Variants in HDAC9 observed in about 807,000 individuals in gnomAD.
The protein encoded by HDAC9 is histone deacetylase 9.
Under a neutral mutation model 139.4 loss-of-function variants are expected in HDAC9, and 41 were observed. That is an observed-to-expected ratio of 0.29 (90% CI 0.23 to 0.38). HDAC9 has a LOEUF of 0.38. Ranked by LOEUF, HDAC9 falls within the 10% of genes least tolerant of loss-of-function variation. The pLI is 1.00. For synonymous variants in HDAC9, 517 were observed against 476.2 expected, an observed-to-expected ratio of 1.09 and a Z score of -1.12; for missense variants, 1,147 against 1,297.0, an observed-to-expected ratio of 0.88 and a Z score of 1.78.
chr7:18,597,667 A>C (rs1240335406), intron 6 of HDAC9, among the ~76,000 whole-genome samples: 2 of 152,128 alleles, frequency 1.3e-5, no homozygotes, highest in Non-Finnish European at 2.9e-5. Context: ...TGTTTCATAA[A>C]ATATTGTGAT....
At chr7:18,248,704 A>G (rs1345658445) in intron 2 of HDAC9, among the ~76,000 whole-genome samples, 1 of 152,200 alleles carries the variant, frequency 6.6e-6, no homozygotes, top group Non-Finnish European at 1.5e-5. Flanking sequence ...TTGGTCTGTA[A>G]AAGTCTTCTC....
intron 17 of HDAC9, among the ~76,000 whole-genome samples, chr7:18,793,991 T>C (rs936369505): frequency 2.0e-5 from 3 of 152,222 alleles, no homozygotes; most frequent in African/African-American, 7.2e-5. Flanking sequence ...CTTTTCTTTT[T>C]ATGGTCTCTT....
chr7:18,850,432 C>G (rs866202521), intron 21 of HDAC9, among the ~76,000 whole-genome samples: 10 of 152,100 alleles, frequency 6.6e-5, no homozygotes, highest in African/African-American at 1.9e-4. Flanking sequence ...GAGGATTCTT[C>G]CCTGGAATAA....
intron 1 of HDAC9, among the ~76,000 whole-genome samples, chr7:18,377,302 C>T (rs1785067382): frequency 2.6e-5 from 4 of 152,074 alleles, no homozygotes; most frequent in Admixed American, 1.3e-4. Context: ...CTACCAAAGG[C>T]CCACCTCCTA....
chr7:18,336,053 A>G lies in HDAC9; in HGVS notation c.-42+45538A>G, dbSNP rs541249131. On this transcript the variant is annotated intron_variant, in intron 1 of 3. Transcript: ENST00000413509. The stretch of plus-strand genomic sequence containing the variant: ...TGCTTTTACATTTTCTCTTAAGAAA[A>G]TTAAGAATTTACCTTCTCTAGTCAG... 2.0e-5 allele frequency among the ~76,000 whole-genome samples: 3 copies of G among 151,772 alleles called. No homozygotes were observed. In the South Asian group the frequency reaches 6.2e-4, roughly 31 times the overall value.
At chr7:18,217,898 G>C (rs545091892) in intron 2 of HDAC9, among the ~76,000 whole-genome samples, 25 of 152,262 alleles carry the variant, frequency 1.6e-4, no homozygotes, top group Middle Eastern at 3.4e-3. Context: ...GGCCATTTTT[G>C]CTGTGTCTCT....
intron 22 of HDAC9, among the ~76,000 whole-genome samples, chr7:18,913,362 G>T (rs1280893168): frequency 1.3e-5 from 2 of 152,066 alleles, no homozygotes; most frequent in African/African-American, 4.8e-5. Context: ...AATAGAATGG[G>T]AGGATGTTTG....
At chr7:18,920,542 T>C (rs1425867078) in intron 22 of HDAC9, among the ~76,000 whole-genome samples, 1 of 151,924 alleles carries the variant, frequency 6.6e-6, no homozygotes, top group African/African-American at 2.4e-5. Flanking sequence ...TGAGTAGGAG[T>C]GGTGAGAGAG....
At chr7:18,088,260 A>C (rs1781923381) in intron 1 of HDAC9, among the ~76,000 whole-genome samples, 1 of 152,166 alleles carries the variant, frequency 6.6e-6, no homozygotes, top group South Asian at 2.1e-4. Context: ...AAAAAGTTTA[A>C]CTTCTACCAG....
intron 2 of HDAC9, among the ~76,000 whole-genome samples, chr7:18,165,954 TA>T (rs1399828185): frequency 6.6e-6 from 1 of 152,164 alleles, no homozygotes; most frequent in Non-Finnish European, 1.5e-5. Flanking sequence ...GGAGTGCCTT[TA>T]TTTTCCTCAA....
At chr7:18,447,786 C>T (rs1792431607) in intron 1 of HDAC9, among the ~76,000 whole-genome samples, 2 of 152,104 alleles carry the variant, frequency 1.3e-5, no homozygotes, top group Non-Finnish European at 2.9e-5. Flanking sequence ...TCCTTTGGCT[C>T]CTATAGTGTA....
chr7:18,401,555 A>G (rs1253407479), intron 1 of HDAC9, among the ~76,000 whole-genome samples: 1 of 152,228 alleles, frequency 6.6e-6, no homozygotes, highest in Non-Finnish European at 1.5e-5. Flanking sequence ...CATGGTATTC[A>G]TGATGGAGAA....
At chr7:18,699,128 G>T (rs769248164) in intron 12 of HDAC9, among the ~76,000 whole-genome samples, 1 of 152,096 alleles carries the variant, frequency 6.6e-6, no homozygotes, top group Non-Finnish European at 1.5e-5. Context: ...GTGTCAACTG[G>T]CTGGGGCAAC....
intron 1 of HDAC9, among the ~76,000 whole-genome samples, chr7:18,369,380 G>A (rs541733868): frequency 2.0e-5 from 3 of 152,106 alleles, no homozygotes; most frequent in South Asian, 4.1e-4. Context: ...GTAATAACAT[G>A]CTTACCATGT....
intron 1 of HDAC9, among the ~76,000 whole-genome samples, chr7:18,395,402 C>T (rs1018983404): frequency 6.6e-6 from 1 of 151,968 alleles, no homozygotes; most frequent in Non-Finnish European, 1.5e-5. Context: ...TCCCTTTGCA[C>T]TTCTTCTCTA....
rs1448186828 is a variant in HDAC9 at position 18,727,738 on chromosome 7, C to T, written c.1890C>T (p.Leu630=). The T allele has an allele frequency of 1.9e-6, 3 of 1,541,008 alleles. No individual in the cohort carries two copies. In the South Asian group the frequency reaches 3.9e-5, roughly 20 times the overall value. ...VLPHPAMDRP[L]QPGSATGIAY... is the part of the protein sequence containing the mutation. ...CTCACCCAGCAATGGACCGCCCCCTCCAGCCTGGCTCTGCAACTGGTAGGA... is the reference window on the plus strand; with the variant it reads ...CTCACCCAGCAATGGACCGCCCCCTTCAGCCTGGCTCTGCAACTGGTAGGA... Residue 630 remains leucine (L), a synonymous_variant, in exon 13 of 26, where the codon CTC becomes CTT. Coordinates refer to ENST00000686413, the MANE Select transcript of HDAC9 (RefSeq NM_178425.4).
chr7:18,985,058 T>A (rs1048743100), intron 25 of HDAC9, among the ~76,000 whole-genome samples: 111 of 152,246 alleles, frequency 7.3e-4, no homozygotes, highest in African/African-American at 2.4e-3. Flanking sequence ...TTATTTTTTT[T>A]TAATTCTTTT....
intron 1 of HDAC9, among the ~76,000 whole-genome samples, chr7:18,343,095 T>C (rs1345016720): frequency 1.3e-5 from 2 of 151,846 alleles, no homozygotes; most frequent in Non-Finnish European, 2.9e-5. Flanking sequence ...GGTACCCTCC[T>C]GTATAAAATC....
At chr7:18,105,989 C>G (rs538276752) in intron 1 of HDAC9, among the ~76,000 whole-genome samples, 1 of 152,204 alleles carries the variant, frequency 6.6e-6, no homozygotes, top group African/African-American at 2.4e-5. Context: ...AGGCCACATG[C>G]TATTTTATTC....
Sources: allele counts gnomAD v4.1 joint callset (sites outside exome capture counted in the v4.1 genomes callset), GRCh38; gene constraint gnomAD v4.1.1; transcripts MANE v1.5; gene names NCBI Gene and HGNC (gene_info 2026-07-23, HGNC 2026-07-21).